The following KRI1 variants were observed in gnomAD, a reference collection of about 807,000 sequenced individuals.
The protein encoded by KRI1 is KRI1 homolog.
A neutral mutation model predicts 97.0 loss-of-function variants in KRI1; 83 were observed. That is an observed-to-expected ratio of 0.86 (90% confidence interval 0.72 to 1.03). KRI1 has a LOEUF of 1.03. KRI1 is among the 50% of genes least tolerant of loss of function. The pLI is 0.00. For synonymous variants in KRI1, 371 were observed against 363.5 expected, an observed-to-expected ratio of 1.02 and a Z score of -0.23; for missense variants, 916 against 928.4, an observed-to-expected ratio of 0.99 and a Z score of 0.17.
In KRI1 at chr19:10,553,666, C is replaced by A. The variant is rs1916391138; in HGVS notation, c.*285G>T. On this transcript the variant is annotated 3_prime_UTR_variant, in exon 19 of 19. Transcript: ENST00000312962. ...TCATAGCTCTCTGTAGCCTCAAACT[C>A]ATGGCCTTAAGTGATCTTCCTTCCC... 1 of 341,882 alleles carries A rather than the reference C, an allele frequency of 2.9e-6. No homozygotes were observed. The highest frequency in any genetic ancestry group is 5.3e-6 in the Non-Finnish European group (1 of 187,778). 21.2% of individuals were successfully genotyped at this position (341,882 alleles called of 1,614,324 possible). A position where few individuals can be genotyped will look rare whatever the true frequency, so the allele number is the denominator to read the frequency against.
At chr19:10,557,190 T>G (rs1213884259) in intron 16 of KRI1, among the ~76,000 whole-genome samples, 1 of 150,200 alleles carries the variant, frequency 6.7e-6, no homozygotes, top group Non-Finnish European at 1.5e-5. Flanking sequence ...TTGCAACCTC[T>G]GCCTCCTGGG....
At chr19:10,560,921 C>T in intron 8 of KRI1, 82 bp downstream of exon 8, 1 of 1,079,210 alleles carries the variant, frequency 9.3e-7, no homozygotes, top group Non-Finnish European at 1.4e-6. Context: ...ATCCCATCTT[C>T]AGAGGGTTAC....
intron 16 of KRI1, among the ~76,000 whole-genome samples, chr19:10,555,815 T>C (rs1191270347): frequency 6.6e-6 from 1 of 152,236 alleles, no homozygotes; most frequent in Non-Finnish European, 1.5e-5. Context: ...TCGGCTATTT[T>C]TACTGACCAT....
rs1336749516 is a variant in KRI1 at position 10,558,301 on chromosome 19, C to T, written c.1195-62G>A. Reference sequence around the variant, plus strand: ...CGAGACATAGGAGCTGAGCCCCCTACGATGCCGCCAATGACCCCCTCCTTG... The same window carrying T: ...CGAGACATAGGAGCTGAGCCCCCTATGATGCCGCCAATGACCCCCTCCTTG... On this transcript the variant is annotated intron_variant, in intron 12 of 18. Transcript: ENST00000312962. 2.4e-5 allele frequency: 36 copies of T among 1,522,864 alleles called. No homozygotes were observed. In the South Asian group the frequency reaches 2.5e-4, roughly 10 times the overall value. 94.3% of individuals were successfully genotyped at this position (1,522,864 alleles called of 1,614,324 possible).
At chr19:10,562,884 T>C in intron 3 of KRI1, 47 bp from the exon 4 acceptor site, 2 of 1,209,980 alleles carry the variant, frequency 1.7e-6, no homozygotes, top group Non-Finnish European at 2.5e-6. Context: ...ACCCCCTTCT[T>C]TGCCGTGGCA....
intron 4 of KRI1, 39 bp from the exon 5 acceptor site, chr19:10,561,884 A>G: frequency 6.3e-7 from 1 of 1,594,316 alleles, no homozygotes; most frequent in Non-Finnish European, 8.6e-7. Context: ...TATATCTTCC[A>G]GGGCCCGCCT....
Position 10,557,977 on chromosome 19 carries a change from A to G in KRI1, c.1354T>C (p.Phe452Leu), listed in dbSNP as rs1345193235. Residue 452 changes from phenylalanine to leucine, a missense_variant, in exon 14 of 19, where the codon TTC (phenylalanine) becomes CTC (leucine). Coordinates refer to ENST00000312962, the MANE Select transcript of KRI1 (RefSeq NM_023008.5). ...QQELHCEDPN[F>L]NMDADYDPSQ... ...CCTCAACCCGTGATACCTACGTTGA[A>G]GTTGGGGTCCTCACAGTGCAGCTCC... 1.9e-6 allele frequency: 3 copies of G among 1,613,958 alleles called. No homozygotes were observed. The African/African-American group carries it at 4.0e-5, about 22-fold the overall frequency.
In KRI1 at chr19:10,560,450, T is replaced by TG; in HGVS notation, c.664-3dup. On this transcript the variant is annotated splice_region_variant and splice_polypyrimidine_tract_variant and intron_variant, in intron 8 of 18. Transcript: ENST00000312962. Reference sequence around the variant, plus strand: ...GTTCCAGTATTCCTTGAGATGCGTCTGGGGGTGACAGGAGACAGGACTCTG... The same window carrying TG: ...GTTCCAGTATTCCTTGAGATGCGTCTGGGGGGTGACAGGAGACAGGACTCTG... The TG allele has an allele frequency of 6.2e-7, 1 of 1,606,064 alleles. No individual in the cohort carries two copies. Among genetic ancestry groups the TG allele is most frequent in the Non-Finnish European group, 8.5e-7 (1 of 1,175,506 alleles).
At chr19:10,565,075 G>C in intron 2 of KRI1, 41 bp from the exon 3 acceptor site, 1 of 1,306,934 alleles carries the variant, frequency 7.7e-7, no homozygotes, top group Non-Finnish European at 1.1e-6. Context: ...TCAGAAGGGA[G>C]ATAATAAGAG....
chr19:10,555,279 C>T lies in KRI1; in HGVS notation c.1682+6G>A. ...CATGTGGCCCCGCCGCGCCCCGCCC[C>T]ATCACCTGTACATGCAGGTCTTCTT... On this transcript the variant is annotated splice_donor_region_variant and intron_variant, in intron 17 of 18. Transcript: ENST00000312962. 1.1e-6 allele frequency: 1 copy of T among 950,158 alleles called. No individual in the cohort carries two copies. Among genetic ancestry groups the T allele is most frequent in the Non-Finnish European group, 1.4e-6 (1 of 697,256 alleles). The allele number at this position is 950,158 out of a possible 1,614,324, so 58.9% of individuals were successfully genotyped here. A position where few individuals can be genotyped will look rare whatever the true frequency, so the allele number is the denominator to read the frequency against.
At chr19:10,562,964 T>G in intron 3 of KRI1, 127 bp from the exon 4 acceptor site, 1 of 657,858 alleles carries the variant, frequency 1.5e-6, no homozygotes, top group Non-Finnish European at 2.8e-6. Context: ...TTCCCAGCTG[T>G]CCAAGAGTAT....
In KRI1 at chr19:10,562,823, T is replaced by G; in HGVS notation, c.289A>C (p.Ser97Arg). The G allele has an allele frequency of 6.2e-7, 1 of 1,609,572 alleles. No individual in the cohort carries two copies. Among genetic ancestry groups the G allele is most frequent in the Non-Finnish European group, 8.5e-7 (1 of 1,175,920 alleles). Residue 97 changes from serine to arginine, a missense_variant, in exon 4 of 19, where the codon AGT becomes CGT. Around this residue, in one of 3 missense-constraint regions of KRI1, gnomAD observed 173 missense variants for 153.1 expected, o/e 1.13. Coordinates refer to ENST00000312962, the MANE Select transcript of KRI1 (RefSeq NM_023008.5). ...FYNRTASSSDSEEDPEALEKQ... is the reference protein window; with the variant it reads ...FYNRTASSSDREEDPEALEKQ... ...TCCAAGGCTTCTGGGTCCTCCTCACTGTCTGATGACGATGCTGTTAACCCA... is the reference window on the plus strand; with the variant it reads ...TCCAAGGCTTCTGGGTCCTCCTCACGGTCTGATGACGATGCTGTTAACCCA...
intron 2 of KRI1, chr19:10,565,281 CAA>C (rs1916828395): frequency 5.3e-6 from 3 of 564,672 alleles, no homozygotes; most frequent in Non-Finnish European, 6.3e-6. Context: ...CTGGGGAAGA[CAA>C]AGACTTGACA....
intron 2 of KRI1, chr19:10,565,376 A>T: frequency 2.0e-6 from 1 of 506,198 alleles, no homozygotes; most frequent in African/African-American, 2.0e-5. Context: ...ATCAGGGCTG[A>T]TGTGAGAAGT....
intron 9 of KRI1, 64 bp from the exon 10 acceptor site, chr19:10,560,000 C>A: frequency 6.3e-7 from 1 of 1,581,384 alleles, no homozygotes; most frequent in Non-Finnish European, 8.6e-7. Flanking sequence ...CCCTTTCCTG[C>A]ACGCCTGGGT....
In KRI1 at chr19:10,556,247, T is replaced by G. The variant is rs558616607; in HGVS notation, c.1618-898A>C. ...ATGTTGCTCAGGTTAGTCTCAGAAC[T>G]ACTGGGCTCAAGTGATCCTCCTGCT... On this transcript the variant is annotated intron_variant, in intron 16 of 18. Transcript: ENST00000312962. Among the ~76,000 whole-genome samples, 11 of 152,266 alleles carry G rather than the reference T, an allele frequency of 7.2e-5. No individual in the cohort carries two copies. The East Asian group carries it at 2.1e-3, about 29-fold the overall frequency.
chr19:10,564,196 C>T (rs1451970739), intron 3 of KRI1, among the ~76,000 whole-genome samples: 6 of 151,358 alleles, frequency 4.0e-5, no homozygotes, highest in Non-Finnish European at 8.8e-5. Context: ...CGCAGTGGCT[C>T]ACGCCTGTAA....
intron 3 of KRI1, 67 bp downstream of exon 3, chr19:10,564,862 C>G: frequency 3.1e-6 from 3 of 982,300 alleles, no homozygotes; most frequent in Non-Finnish European, 4.9e-6. Context: ...TCTGAATCCA[C>G]AGTCAGGAAA....
rs1916452921 is a variant in KRI1 at position 10,555,008 on chromosome 19, C to T, written c.1781+79G>A. On this transcript the variant is annotated intron_variant, in intron 18 of 18. Transcript: ENST00000312962. The stretch of plus-strand genomic sequence containing the variant: ...GCGCTGCATTCCCAAAGTCATGCAA[C>T]AAGAGGTTGACGGAGCCAAGACTCA... 4 of 1,199,788 alleles carry T rather than the reference C, an allele frequency of 3.3e-6. No homozygotes were observed. In the Admixed American group the frequency reaches 5.8e-5, roughly 17 times the overall value. The allele number at this position is 1,199,788 out of a possible 1,614,324, so 74.3% of individuals were successfully genotyped here.
Sources: allele counts gnomAD v4.1 joint callset (sites outside exome capture counted in the v4.1 genomes callset), GRCh38; gene constraint gnomAD v4.1.1; regional missense constraint gnomAD v4.1.1; transcripts MANE v1.5; gene names NCBI Gene and HGNC (gene_info 2026-07-23, HGNC 2026-07-21).